The following GRHL2 variants were observed in gnomAD, a reference collection of about 807,000 sequenced individuals.
GRHL2 encodes the protein grainyhead-like protein 2 homolog.
Under a neutral mutation model 83.8 loss-of-function variants are expected in GRHL2, and 21 were observed. The observed-to-expected ratio is 0.25, with a 90% CI of 0.18 to 0.36. GRHL2 has a LOEUF of 0.36. Among genes scored for constraint, GRHL2 ranks in the 10% least tolerant of loss-of-function variants. The pLI, the probability that GRHL2 is intolerant of heterozygous loss-of-function variation, is 1.00. For synonymous variants in GRHL2, 280 were observed against 278.9 expected, an observed-to-expected ratio of 1.00 and a Z score of -0.04; for missense variants, 623 against 781.8, an observed-to-expected ratio of 0.80 and a Z score of 2.42.
At chr8:101,624,548 G>GACAGTACACAGTAGAACAGTTC (rs753199800) in intron 9 of GRHL2, among the ~76,000 whole-genome samples, 103,315 of 118,698 alleles carry the variant, frequency 0.87, 46,430 homozygotes, top group Non-Finnish European at 0.99. Context: ...TACACAGTAG[G>GACAGTACACAGTAGAACAGTTC]ACAGTACACA....
rs1411434100 is a variant in GRHL2, at chr8:101,608,355, C to A, written c.1098+9204C>A. Among the ~76,000 whole-genome samples the A allele has an allele frequency of 5.4e-3, 825 of 152,282 alleles. 8 individuals are homozygous for A. Among genetic ancestry groups the A allele is most frequent in the African/African-American group, 0.018 (756 of 41,550 alleles). ...CTAGTAGTAATATCTCCTTTATTAT[C>A]TCTGACAAGGGAATAACCATTCCTG... On this transcript the variant is annotated intron_variant, in intron 8 of 15. Coordinates refer to ENST00000646743, the MANE Select transcript of GRHL2 (RefSeq NM_024915.4).
chr8:101,597,005 G>A (rs993637175), intron 7 of GRHL2, among the ~76,000 whole-genome samples: 2 of 152,230 alleles, frequency 1.3e-5, no homozygotes, highest in African/African-American at 4.8e-5. Context: ...GAGAAGAGAT[G>A]TTTGAACTTA....
intron 4 of GRHL2, among the ~76,000 whole-genome samples, chr8:101,568,925 CTG>C (rs1457147317): frequency 3.3e-5 from 5 of 152,110 alleles, no homozygotes; most frequent in African/African-American, 1.2e-4. Context: ...TGTATGGAAA[CTG>C]TGATATAAGG....
intron 1 of GRHL2, among the ~76,000 whole-genome samples, chr8:101,522,738 C>CATAT (rs1356934567): frequency 7.4e-6 from 1 of 135,246 alleles, no homozygotes; most frequent in South Asian, 2.3e-4. Flanking sequence ...TATACATATA[C>CATAT]ATATATATAT....
chr8:101,612,799 T>A (rs1204372109), intron 8 of GRHL2, among the ~76,000 whole-genome samples: 1 of 151,020 alleles, frequency 6.6e-6, no homozygotes, highest in Non-Finnish European at 1.5e-5. Context: ...CTGTCTACCA[T>A]GGGCCTAGTA....
intron 3 of GRHL2, among the ~76,000 whole-genome samples, chr8:101,555,847 C>T (rs963330669): frequency 6.6e-6 from 1 of 152,188 alleles, no homozygotes; most frequent in Non-Finnish European, 1.5e-5. Flanking sequence ...GAAGTTTCAT[C>T]TGAAAAATCA....
At position 101,558,777 on chromosome 8, in the gene GRHL2, A is replaced by G. The variant is rs866073170; in HGVS notation, c.643A>G (p.Thr215Ala). Residue 215 changes from threonine (T) to alanine (A), a missense_variant, in exon 4 of 16, where the codon ACA (threonine) becomes GCA (alanine). Physicochemically the swap from Thr to Ala is moderately conservative, Grantham distance 58 (BLOSUM62 0). This residue lies in a region of GRHL2 where 239 missense variants were observed against 240.5 expected (regional missense o/e 0.99). Transcript: ENST00000646743. ...KDDQRSTPDS[T>A]YSESFKDAAT... ...CGACCAGCGCAGCACTCCGGACAGC[A>G]CATACAGCGAGAGCTTCAAGGACGC... 1.2e-6 allele frequency: 2 copies of G among 1,614,044 alleles called. No individual in the cohort carries two copies. Among genetic ancestry groups the G allele is most frequent in the African/African-American group, 2.7e-5 (2 of 74,936 alleles).
At chr8:101,636,711 A>G (rs1447034142) in intron 11 of GRHL2, 186 bp from the exon 12 acceptor site, 1 of 600,650 alleles carries the variant, frequency 1.7e-6, no homozygotes, top group Non-Finnish European at 3.0e-6. Context: ...TTAAATATGC[A>G]TTTCCTTAGA....
At chr8:101,622,931 A>G (rs1004713608) in intron 9 of GRHL2, among the ~76,000 whole-genome samples, 11 of 152,182 alleles carry the variant, frequency 7.2e-5, no homozygotes, top group Non-Finnish European at 1.6e-4. Flanking sequence ...GTGAGAACAT[A>G]TGATGTTTGA....
intron 4 of GRHL2, among the ~76,000 whole-genome samples, chr8:101,559,518 G>A (rs1001952518): frequency 1.3e-5 from 2 of 151,998 alleles, no homozygotes; most frequent in East Asian, 1.9e-4. Context: ...TGACAAGAAC[G>A]AAACTCCATC....
chr8:101,502,501 G>A lies in GRHL2; in HGVS notation c.20+9712G>A, dbSNP rs545201345. On this transcript the variant is annotated intron_variant, in intron 1 of 15. Transcript: ENST00000646743. Reference sequence around the variant, plus strand: ...GGGCAGCAAGGCAGTGAAATCAATGGTTTAACTAGCGGACTCCCGCACAGC... The same window carrying A: ...GGGCAGCAAGGCAGTGAAATCAATGATTTAACTAGCGGACTCCCGCACAGC... Among the ~76,000 whole-genome samples the A allele has an allele frequency of 2.0e-5, 3 of 152,326 alleles. No individual in the cohort carries two copies. In the East Asian group the frequency reaches 5.8e-4, roughly 29 times the overall value.
intron 9 of GRHL2, among the ~76,000 whole-genome samples, chr8:101,620,910 A>C (rs1812951999): frequency 6.6e-6 from 1 of 152,072 alleles, no homozygotes; most frequent in Non-Finnish European, 1.5e-5. Context: ...TTCCCTTCTA[A>C]GACAAAATCC....
chr8:101,509,140 TCCTTCCTTCCTTCC>T (rs1810403034), intron 1 of GRHL2, among the ~76,000 whole-genome samples: 1 of 76,044 alleles, frequency 1.3e-5, no homozygotes, highest in African/African-American at 3.7e-5. Flanking sequence ...CTTCCTTCCT[TCCTTCCTTCCTTCC>T]TTCCTTTCTT....
chr8:101,575,719 A>G (rs1056166384), intron 6 of GRHL2, among the ~76,000 whole-genome samples: 4 of 152,206 alleles, frequency 2.6e-5, no homozygotes, highest in Non-Finnish European at 4.4e-5. Context: ...CAGAAAAAAT[A>G]TTACTTTAAA....
intron 1 of GRHL2, among the ~76,000 whole-genome samples, chr8:101,526,841 TA>T (rs1810817282): frequency 6.6e-6 from 1 of 152,154 alleles, no homozygotes; most frequent in Non-Finnish European, 1.5e-5. Context: ...CACAGAATAT[TA>T]AAAAGATTGG....
intron 1 of GRHL2, among the ~76,000 whole-genome samples, chr8:101,494,389 T>C (rs1810050997): frequency 6.6e-6 from 1 of 152,162 alleles, no homozygotes; most frequent in Admixed American, 6.5e-5. Context: ...GATGAGGAAT[T>C]AACCGAGTAC....
At chr8:101,516,191 C>T (rs751685212) in intron 1 of GRHL2, among the ~76,000 whole-genome samples, 2 of 152,170 alleles carry the variant, frequency 1.3e-5, no homozygotes, top group Non-Finnish European at 2.9e-5. Flanking sequence ...TAGTGGTTGA[C>T]AACTGACAAC....
chr8:101,574,630 C>T (rs982063812), intron 6 of GRHL2, among the ~76,000 whole-genome samples: 1 of 152,238 alleles, frequency 6.6e-6, no homozygotes, highest in Non-Finnish European at 1.5e-5. Flanking sequence ...GTGCCTACAG[C>T]GCCACAACTC....
chr8:101,566,723 A>T (rs1050509526), intron 4 of GRHL2, among the ~76,000 whole-genome samples: 1 of 151,712 alleles, frequency 6.6e-6, no homozygotes, highest in Non-Finnish European at 1.5e-5. Flanking sequence ...CTCTGGAAAC[A>T]TTGCACTCTG....
Sources: allele counts gnomAD v4.1 joint callset (sites outside exome capture counted in the v4.1 genomes callset), GRCh38; gene constraint gnomAD v4.1.1; regional missense constraint gnomAD v4.1.1; transcripts MANE v1.5; gene names NCBI Gene and HGNC (gene_info 2026-07-23, HGNC 2026-07-21).